The following SLC16A14 variants were observed in gnomAD, a reference collection of about 807,000 sequenced individuals.
The protein encoded by SLC16A14 is monocarboxylate transporter 14.
A neutral mutation model predicts 35.8 loss-of-function variants in SLC16A14; 14 were observed. That is an observed-to-expected ratio of 0.39 (90% CI 0.26 to 0.61). The LOEUF (loss-of-function observed/expected upper bound fraction) is 0.61. Ranked by LOEUF, SLC16A14 falls within the 20% of genes least tolerant of loss-of-function variation. The pLI, the probability that SLC16A14 is intolerant of heterozygous loss-of-function variation, is 0.51. For synonymous variants in SLC16A14, 248 were observed against 258.9 expected, an observed-to-expected ratio of 0.96 and a Z score of 0.40; for missense variants, 533 against 655.0, an observed-to-expected ratio of 0.81 and a Z score of 2.03.
Position 230,045,862 on chromosome 2 carries a change from A to C in SLC16A14, c.1264T>G (p.Phe422Val). ...TCAGTCACTACGGGCATTAGGGAGA[A>C]ATAACCACTGGAAAACCCTATCAGC... is the stretch of plus-strand genomic sequence containing the variant. ...CALIGFSSGY[F>V]SLMPVVTEDL... The change falls in exon 4 of 5, where the codon TTC becomes GTC. Residue 422 changes from phenylalanine (F) to valine (V), a missense_variant. Physicochemically the swap from Phe to Val is conservative, Grantham distance 50. Transcript: ENST00000295190. 2 of 1,614,044 alleles carry C rather than the reference A, an allele frequency of 1.2e-6. No homozygotes were observed. Among genetic ancestry groups the C allele is most frequent in the Non-Finnish European group, 1.7e-6 (2 of 1,179,968 alleles).
intron 2 of SLC16A14, among the ~76,000 whole-genome samples, chr2:230,054,481 T>A (rs1191464022): frequency 1.3e-5 from 2 of 152,188 alleles, no homozygotes; most frequent in Non-Finnish European, 2.9e-5. Context: ...AAATTGATGA[T>A]TCCCCTATCT....
intron 4 of SLC16A14, among the ~76,000 whole-genome samples, chr2:230,039,009 T>C (rs1306491203): frequency 6.6e-6 from 1 of 152,050 alleles, no homozygotes; most frequent in Non-Finnish European, 1.5e-5. Flanking sequence ...GGCAAATGAA[T>C]GCGTAAATGC....
intron 2 of SLC16A14, 33 bp from the exon 3 acceptor site, chr2:230,049,937 A>C: frequency 6.2e-7 from 1 of 1,601,878 alleles, no homozygotes; most frequent in African/African-American, 1.3e-5. Context: ...GAATTGACTA[A>C]AGGTGCTTCC....
At position 230,059,146 on chromosome 2, in the gene SLC16A14, G is replaced by A. The variant is rs371613985; in HGVS notation, c.207C>T (p.Arg69=). ...VEWLEEFHQS[R]GLTAWVSSLS... The stretch of plus-strand genomic sequence containing the variant: ...GGGAGCTGACCCAGGCGGTCAGGCC[G>A]CGGCTCTGGTGGAATTCTTCCAGCC... The change falls in exon 2 of 5, where the codon CGC becomes CGT. Residue 69 remains arginine (R), a synonymous_variant. Coordinates refer to ENST00000295190, the MANE Select transcript of SLC16A14 (RefSeq NM_152527.5). 219 of 1,614,168 alleles carry A rather than the reference G, an allele frequency of 1.4e-4. No homozygotes were observed. Among genetic ancestry groups the A allele is most frequent in the South Asian group, 1.3e-3 (116 of 91,078 alleles).
In SLC16A14 at chr2:230,040,491, G is replaced by A. The variant is rs549332693; in HGVS notation, c.1382-2960C>T. Among the ~76,000 whole-genome samples, 8 of 152,186 alleles carry A rather than the reference G, an allele frequency of 5.3e-5. No individual in the cohort carries two copies. The South Asian group carries it at 8.3e-4, about 16-fold the overall frequency. ...CCCGCCTCAGCCTCCCAAAGTGCTC[G>A]GATTACAGGCGTGAGCCACTGTTCC... On this transcript the variant is annotated intron_variant, in intron 4 of 4. Transcript: ENST00000295190.
At chr2:230,039,840 G>A (rs991276730) in intron 4 of SLC16A14, among the ~76,000 whole-genome samples, 9 of 152,234 alleles carry the variant, frequency 5.9e-5, no homozygotes, top group East Asian at 1.9e-4. Context: ...GCTGTTTAAC[G>A]TGAACCTCGA....
chr2:230,042,181 G>A (rs899755944), intron 4 of SLC16A14, among the ~76,000 whole-genome samples: 2 of 152,160 alleles, frequency 1.3e-5, no homozygotes, highest in Non-Finnish European at 1.5e-5. Context: ...TTAATACAAC[G>A]ATTTCTACCG....
At chr2:230,052,312 TAAAA>T in intron 2 of SLC16A14, among the ~76,000 whole-genome samples, 1 of 152,324 alleles carries the variant, frequency 6.6e-6, no homozygotes, top group African/African-American at 2.4e-5. Context: ...AATGCACTGA[TAAAA>T]AATCTGATGG....
At chr2:230,053,379 A>G (rs909113986) in intron 2 of SLC16A14, among the ~76,000 whole-genome samples, 2 of 152,208 alleles carry the variant, frequency 1.3e-5, no homozygotes, top group African/African-American at 2.4e-5. Context: ...TCCTTTGACC[A>G]TGACTCACAC....
At chr2:230,053,493 A>C (rs2077678938) in intron 2 of SLC16A14, among the ~76,000 whole-genome samples, 1 of 152,160 alleles carries the variant, frequency 6.6e-6, no homozygotes, top group South Asian at 2.1e-4. Context: ...ACTGTAATAA[A>C]GTGTCCTGGC....
chr2:230,053,283 G>C (rs1165633675), intron 2 of SLC16A14, among the ~76,000 whole-genome samples: 1 of 152,068 alleles, frequency 6.6e-6, no homozygotes, highest in Non-Finnish European at 1.5e-5. Context: ...CACTAGCATT[G>C]CCAAAATCAA....
In SLC16A14 at chr2:230,049,884, T is replaced by C. The variant is rs750727794; in HGVS notation, c.280A>G (p.Ile94Val). 5 of 1,609,182 alleles carry C rather than the reference T, an allele frequency of 3.1e-6. No individual in the cohort carries two copies. Among genetic ancestry groups the C allele is most frequent in the Non-Finnish European group, 3.4e-6 (4 of 1,178,810 alleles). The change falls in exon 3 of 5, where the codon ATT becomes GTT. Residue 94 changes from isoleucine (I) to valine (V), a missense_variant. Physicochemically the swap from Ile to Val is conservative, Grantham distance 29. Transcript: ENST00000295190. ...LIVGPFIGLF[I>V]NTCGCRQTAI... is the part of the protein sequence containing the mutation. ...GTCTGGCGGCACCCACAGGTGTTAA[T>C]GAACAAGCCGATGAAAGGGCCTGTC...
chr2:230,056,785 G>A (rs368186007), intron 2 of SLC16A14, among the ~76,000 whole-genome samples: 7 of 150,904 alleles, frequency 4.6e-5, no homozygotes, highest in East Asian at 3.9e-4. Context: ...TGGGAGGATC[G>A]CTTGAGCCCA....
At chr2:230,053,045 G>A (rs888751250) in intron 2 of SLC16A14, among the ~76,000 whole-genome samples, 1 of 152,062 alleles carries the variant, frequency 6.6e-6, no homozygotes, top group Non-Finnish European at 1.5e-5. Flanking sequence ...GGATTCCAGC[G>A]ATTCTCCTGC....
chr2:230,043,229 A>G (rs1034871275), intron 4 of SLC16A14, among the ~76,000 whole-genome samples: 2 of 152,206 alleles, frequency 1.3e-5, no homozygotes, highest in Non-Finnish European at 2.9e-5. Context: ...GAGGAGTCCT[A>G]TATGTAGCCC....
chr2:230,054,501 C>T (rs1202275168), intron 2 of SLC16A14, among the ~76,000 whole-genome samples: 3 of 152,150 alleles, frequency 2.0e-5, no homozygotes, highest in African/African-American at 7.2e-5. Flanking sequence ...TGCACCTTTT[C>T]TCTTGCAACA....
intron 2 of SLC16A14, among the ~76,000 whole-genome samples, chr2:230,056,454 C>T (rs2077705549): frequency 6.6e-6 from 1 of 152,030 alleles, no homozygotes; most frequent in African/African-American, 2.4e-5. Context: ...CAGGGTTTCA[C>T]CATGTTGGCC....
At chr2:230,058,411 A>T (rs1489592872) in intron 2 of SLC16A14, 1 of 152,176 alleles carries the variant, frequency 6.6e-6, no homozygotes, top group Non-Finnish European at 1.5e-5. Flanking sequence ...AATATTGCAT[A>T]ATTTCACTTA....
At chr2:230,051,937 C>CT (rs11303379) in intron 2 of SLC16A14, among the ~76,000 whole-genome samples, 4,124 of 139,356 alleles carry the variant, frequency 0.03, 159 homozygotes, top group African/African-American at 0.087. Flanking sequence ...ATTAAACATA[C>CT]TTTTTTTTTT....
Sources: allele counts gnomAD v4.1 joint callset (sites outside exome capture counted in the v4.1 genomes callset), GRCh38; gene constraint gnomAD v4.1.1; transcripts MANE v1.5; gene names NCBI Gene and HGNC (gene_info 2026-07-23, HGNC 2026-07-21).